The following TUSC3 variants were observed in gnomAD, a reference collection of about 807,000 sequenced individuals.
TUSC3 encodes the protein dolichyl-diphosphooligosaccharide--protein glycosyltransferase subunit TUSC3.
TUSC3 carries 45 observed loss-of-function variants against 44.8 expected under a neutral mutation model. The ratio of observed to expected loss-of-function variants is 1.00; its 90% CI spans 0.79 to 1.29. The LOEUF (loss-of-function observed/expected upper bound fraction) is 1.29. TUSC3 is among the 50% of genes most tolerant of loss of function. TUSC3 has a pLI of 0.00. For synonymous variants in TUSC3, 212 were observed against 152.9 expected (o/e 1.39, Z -2.85); for missense variants, 519 against 437.9 (o/e 1.19, Z -1.65).
chr8:15,623,288 C>T, intron 2 of TUSC3, 39 bp downstream of exon 2: 3 of 1,523,204 alleles, frequency 2.0e-6, no homozygotes, highest in Non-Finnish European at 2.6e-6. Flanking sequence ...AACTATTATT[C>T]TTGGTTTACA....
At chr8:15,828,280 C>T in the TUSC3 span, among the ~76,000 whole-genome samples, 1 of 152,174 alleles carries the variant, frequency 6.6e-6, no homozygotes, top group Non-Finnish European at 1.5e-5. Flanking sequence ...TAGGCATGAG[C>T]CACCGCACCC....
In TUSC3 at chr8:15,556,134, C is replaced by A. The variant is rs113957951; in HGVS notation, c.138+15566C>A. On this transcript the variant is annotated intron_variant, in intron 1 of 10. Transcript: ENST00000503731. ...ACTCGTCATCTAGCATTAGGTAAAT[C>A]TCCCAGTGCTATCCCTCCCCCCTCC... Among the ~76,000 whole-genome samples, 259 of 148,938 alleles carry A rather than the reference C, an allele frequency of 1.7e-3. 3 individuals carry two copies. Among genetic ancestry groups the A allele is most frequent in the African/African-American group, 6.0e-3 (243 of 40,776 alleles).
the TUSC3 span, among the ~76,000 whole-genome samples, chr8:15,789,397 G>C: frequency 1.3e-5 from 2 of 152,092 alleles, no homozygotes; most frequent in Non-Finnish European, 2.9e-5. Context: ...TCTCAACCCA[G>C]CCACTTTGGA....
chr8:15,559,253 G>T (rs1802372691), intron 1 of TUSC3, among the ~76,000 whole-genome samples: 1 of 141,262 alleles, frequency 7.1e-6, no homozygotes, highest in Non-Finnish European at 1.6e-5. Context: ...CCTTCATTTT[G>T]TTATGTACCC....
At chr8:15,723,835 G>C (rs1585269010) in intron 6 of TUSC3, among the ~76,000 whole-genome samples, 1 of 152,098 alleles carries the variant, frequency 6.6e-6, no homozygotes, top group South Asian at 2.1e-4. Context: ...ATAATTCTTA[G>C]TATTTTAGCA....
intron 2 of TUSC3, among the ~76,000 whole-genome samples, chr8:15,527,570 T>A (rs1419830230): frequency 3.3e-5 from 5 of 152,144 alleles, no homozygotes. Flanking sequence ...AATTTGAACT[T>A]TGATTTTTAT....
chr8:15,428,295 G>A (rs1349794620), intron 1 of TUSC3, among the ~76,000 whole-genome samples: 3 of 151,792 alleles, frequency 2.0e-5, no homozygotes, highest in Non-Finnish European at 4.4e-5. Flanking sequence ...CAAAGGACAT[G>A]AACTCATCCT....
At chr8:15,678,508 C>G (rs1808283958) in intron 6 of TUSC3, among the ~76,000 whole-genome samples, 1 of 152,038 alleles carries the variant, frequency 6.6e-6, no homozygotes, top group Non-Finnish European at 1.5e-5. Context: ...AAAGTCTCAT[C>G]AATTAAATAT....
intron 10 of TUSC3, among the ~76,000 whole-genome samples, chr8:15,759,943 T>C (rs1380038452): frequency 6.6e-6 from 1 of 152,122 alleles, no homozygotes; most frequent in Admixed American, 6.6e-5. Flanking sequence ...TCCTCATCCT[T>C]CTTTATGTTA....
At chr8:15,438,910 C>T (rs1477539091) in intron 1 of TUSC3, among the ~76,000 whole-genome samples, 3 of 152,140 alleles carry the variant, frequency 2.0e-5, no homozygotes, top group African/African-American at 7.2e-5. Context: ...GTTTAATAAG[C>T]ACCCAATTTA....
chr8:15,721,553 G>A (rs926993503), intron 6 of TUSC3, among the ~76,000 whole-genome samples: 1 of 151,908 alleles, frequency 6.6e-6, no homozygotes, highest in Non-Finnish European at 1.5e-5. Context: ...TGTATTTTCT[G>A]TATTCACATT....
intron 2 of TUSC3, among the ~76,000 whole-genome samples, chr8:15,642,770 A>G (rs1409245461): frequency 6.6e-6 from 1 of 152,130 alleles, no homozygotes; most frequent in African/African-American, 2.4e-5. Context: ...CAAGGTTTAC[A>G]TTGCTTTGTT....
the TUSC3 span, among the ~76,000 whole-genome samples, chr8:15,842,070 T>C: frequency 6.6e-6 from 1 of 152,202 alleles, no homozygotes; most frequent in Non-Finnish European, 1.5e-5. Flanking sequence ...TACCCACGTT[T>C]CTTATTCCTC....
intron 1 of TUSC3, among the ~76,000 whole-genome samples, chr8:15,544,463 A>G (rs1483567771): frequency 6.6e-6 from 1 of 151,836 alleles, no homozygotes; most frequent in Non-Finnish European, 1.5e-5. Context: ...TATGTAGGTA[A>G]TAATGAATAT....
At position 15,568,222 on chromosome 8, in the gene TUSC3, A is replaced by G. The variant is rs546786874; in HGVS notation, c.138+27654A>G. Among the ~76,000 whole-genome samples, 6 of 152,310 alleles carry G rather than the reference A, an allele frequency of 3.9e-5. No individual in the cohort carries two copies. The South Asian group carries it at 1.2e-3, about 32-fold the overall frequency. On this transcript the variant is annotated intron_variant, in intron 1 of 10. Coordinates refer to ENST00000503731, the MANE Select transcript of TUSC3 (RefSeq NM_006765.4). Reference sequence around the variant, plus strand: ...GGGCACGAAAAAGTGTGGTGTGCAGATGCTAAGCAAAAAACACAAAGAGAA... The same window carrying G: ...GGGCACGAAAAAGTGTGGTGTGCAGGTGCTAAGCAAAAAACACAAAGAGAA...
At chr8:15,722,590 G>C (rs181525434) in intron 6 of TUSC3, among the ~76,000 whole-genome samples, 15 of 152,108 alleles carry the variant, frequency 9.9e-5, no homozygotes, top group African/African-American at 3.6e-4. Context: ...TGAATTTTTA[G>C]AACTATGTCG....
At chr8:15,739,754 A>G (rs1296859914) in intron 7 of TUSC3, among the ~76,000 whole-genome samples, 2 of 152,204 alleles carry the variant, frequency 1.3e-5, no homozygotes, top group South Asian at 2.1e-4. Context: ...TCATGCTGAA[A>G]CTGGGCTAGC....
chr8:15,692,260 A>T (rs1321317114), intron 6 of TUSC3, among the ~76,000 whole-genome samples: 3 of 151,634 alleles, frequency 2.0e-5, no homozygotes, highest in Non-Finnish European at 4.4e-5. Context: ...CCATGTTCAT[A>T]AAAAAATATT....
At chr8:15,748,824 A>C (rs750661866) in intron 9 of TUSC3, 1 of 464,990 alleles carries the variant, frequency 2.2e-6, no homozygotes, top group Non-Finnish European at 4.2e-6. Flanking sequence ...TTCATTGTCT[A>C]ATAAACTTTG....
Sources: allele counts gnomAD v4.1 joint callset (sites outside exome capture counted in the v4.1 genomes callset), GRCh38; gene constraint gnomAD v4.1.1; transcripts MANE v1.5; gene names NCBI Gene and HGNC (gene_info 2026-07-23, HGNC 2026-07-21).